Variants in AKAP7 observed in about 807,000 individuals in gnomAD.
AKAP7 encodes A kinase (PRKA) anchor protein 7.
Under a neutral mutation model 39.5 loss-of-function variants are expected in AKAP7, and 39 were observed. The observed-to-expected ratio is 0.99, with a 90% CI of 0.76 to 1.29. The LOEUF (loss-of-function observed/expected upper bound fraction) is 1.29. Ranked by LOEUF, AKAP7 falls within the 50% of genes most tolerant of loss-of-function variation. The probability of loss-of-function intolerance (pLI) is 0.00; values close to 1 mark genes in which losing one functional copy is unlikely to be tolerated. For missense variants in AKAP7, 414 were observed against 407.7 expected (o/e 1.02, Z -0.13); for synonymous variants, 140 against 139.1 (o/e 1.01, Z -0.05).
At chr6:131,227,679 A>C (rs932633735) in intron 7 of AKAP7, among the ~76,000 whole-genome samples, 7 of 152,228 alleles carry the variant, frequency 4.6e-5, no homozygotes, top group African/African-American at 1.7e-4. Context: ...ACCAGGAAAG[A>C]GTTCTAGATA....
chr6:131,219,626 A>ATGAT, intron 6 of AKAP7, 35 bp from the exon 7 acceptor site: 2 of 1,564,386 alleles, frequency 1.3e-6, no homozygotes, highest in Non-Finnish European at 1.7e-6. Flanking sequence ...CATGGGTGAA[A>ATGAT]TGATTGATTG....
chr6:131,231,213 G>A (rs1810596382), intron 7 of AKAP7, among the ~76,000 whole-genome samples: 1 of 151,864 alleles, frequency 6.6e-6, no homozygotes, highest in Non-Finnish European at 1.5e-5. Flanking sequence ...AGCATTATGT[G>A]GTAAAAATGT....
chr6:131,225,016 A>G (rs1810045472), intron 7 of AKAP7, among the ~76,000 whole-genome samples: 1 of 151,946 alleles, frequency 6.6e-6, no homozygotes, highest in Non-Finnish European at 1.5e-5. Context: ...TGTGCCTCCC[A>G]AAGTGCAGGG....
chr6:131,163,043 C>T (rs1301049962), intron 3 of AKAP7, among the ~76,000 whole-genome samples: 4 of 152,036 alleles, frequency 2.6e-5, no homozygotes, highest in African/African-American at 4.8e-5. Flanking sequence ...ATGGCAAAAG[C>T]GTGTTTCTGT....
chr6:131,247,532 GGCT>G (rs1221732181), intron 7 of AKAP7, among the ~76,000 whole-genome samples: 2 of 151,120 alleles, frequency 1.3e-5, no homozygotes, highest in Non-Finnish European at 3.0e-5. Context: ...CACTATGTTA[GGCT>G]GGTCTTGAAC....
chr6:131,250,517 T>C (rs1187398645), intron 7 of AKAP7: 11 of 1,613,218 alleles, frequency 6.8e-6, no homozygotes, highest in African/African-American at 1.3e-5. Context: ...CAATTTCTAT[T>C]TGGGGTCCTC....
chr6:131,134,086 C>T (rs1232917566), upstream of AKAP7, among the ~76,000 whole-genome samples: 2 of 152,164 alleles, frequency 1.3e-5, no homozygotes, highest in Non-Finnish European at 2.9e-5. Context: ...ATCCTCCCAC[C>T]TCAGCCTCTG....
At chr6:131,206,041 G>A (rs1158718964) in intron 6 of AKAP7, among the ~76,000 whole-genome samples, 1 of 152,120 alleles carries the variant, frequency 6.6e-6, no homozygotes, top group Non-Finnish European at 1.5e-5. Flanking sequence ...TGCAAATCTT[G>A]GTTGGTTAGA....
chr6:131,221,470 T>C (rs528598031), intron 7 of AKAP7, among the ~76,000 whole-genome samples: 1 of 152,294 alleles, frequency 6.6e-6, no homozygotes, highest in Admixed American at 6.5e-5. Flanking sequence ...GCTAAGGTCG[T>C]TGATGAAGGT....
In AKAP7 at chr6:131,135,772, C is replaced by T. The variant is rs1800478772; in HGVS notation, c.9C>T (p.Arg3=). The T allele has an allele frequency of 4.1e-6, 5 of 1,230,296 alleles. No individual in the cohort carries two copies. Among genetic ancestry groups the T allele is most frequent in the Non-Finnish European group, 5.1e-6 (5 of 988,082 alleles). 76.2% of individuals were successfully genotyped at this position (1,230,296 alleles called of 1,614,324 possible). The change falls in exon 1 of 8, where the codon CGC becomes CGT. Residue 3 remains arginine, a synonymous_variant. Coordinates refer to ENST00000431975, the MANE Select transcript of AKAP7 (RefSeq NM_016377.4). ME[R]PEAGGINSNE... ...CCGCATGCGCCGCGACCATGGAGCGCCCCGAAGCGGGTGAGACCGGGCTGT... is the reference window on the plus strand; with the variant it reads ...CCGCATGCGCCGCGACCATGGAGCGTCCCGAAGCGGGTGAGACCGGGCTGT...
chr6:131,202,695 C>T (rs955814554), intron 6 of AKAP7, among the ~76,000 whole-genome samples: 4 of 151,372 alleles, frequency 2.6e-5, no homozygotes, highest in African/African-American at 9.7e-5. Context: ...ACCAGCATGG[C>T]ACATGTATAC....
chr6:131,263,748 TAAGAG>T (rs1813553305), intron 7 of AKAP7, among the ~76,000 whole-genome samples: 1 of 152,108 alleles, frequency 6.6e-6, no homozygotes, highest in Admixed American at 6.5e-5. Flanking sequence ...GATACTTTTA[TAAGAG>T]AAGGGTGAAG....
At chr6:131,241,577 A>ATGTG (rs749601887) in intron 7 of AKAP7, among the ~76,000 whole-genome samples, 3,593 of 81,166 alleles carry the variant, frequency 0.044, 157 homozygotes, top group East Asian at 0.08. Context: ...GATTATATAT[A>ATGTG]TGTGTGTGTG....
intron 6 of AKAP7, 50 bp downstream of exon 6, chr6:131,199,623 A>G (rs768733819): frequency 7.2e-7 from 1 of 1,379,556 alleles, no homozygotes; most frequent in Non-Finnish European, 1.0e-6. Flanking sequence ...CACACCAGCC[A>G]TAAGCATGGT....
At chr6:131,149,698 A>G (rs1436653318) in intron 2 of AKAP7, among the ~76,000 whole-genome samples, 2 of 152,196 alleles carry the variant, frequency 1.3e-5, no homozygotes, top group South Asian at 2.1e-4. Flanking sequence ...CTTTGGCTCC[A>G]TAGGGTGGAC....
At chr6:131,168,173 A>G (rs1047127762) in intron 4 of AKAP7, among the ~76,000 whole-genome samples, 4 of 152,166 alleles carry the variant, frequency 2.6e-5, no homozygotes, top group African/African-American at 9.7e-5. Flanking sequence ...GCAATTTGGG[A>G]GGCCAAGGCA....
chr6:131,205,201 T>A (rs74297867), intron 6 of AKAP7, among the ~76,000 whole-genome samples: 5 of 152,180 alleles, frequency 3.3e-5, no homozygotes, highest in Non-Finnish European at 7.3e-5. Context: ...GATTTTTTTT[T>A]AATCATCTAG....
chr6:131,135,513 T>TGCCGCCGCCGCTGCTGCCGCTGCC lies in AKAP7; in HGVS notation c.-249_-248insCGCCGCCGCTGCTGCCGCTGCCGC, dbSNP rs1562852466. On this transcript the variant is annotated 5_prime_UTR_variant, in exon 1 of 8. Transcript: ENST00000431975. ...CCTGGCATGCGGGTGCTGCGGCTGC[T>TGCCGCCGCCGCTGCTGCCGCTGCC]GCGGCTGCCGCCGCCGCTGCTGCCG... Among the ~76,000 whole-genome samples, 13 of 148,690 alleles carry TGCCGCCGCCGCTGCTGCCGCTGCC rather than the reference T, an allele frequency of 8.7e-5. No individual in the cohort carries two copies. Among genetic ancestry groups the TGCCGCCGCCGCTGCTGCCGCTGCC allele is most frequent in the East Asian group, 5.9e-4 (3 of 5,062 alleles).
Position 131,282,087 on chromosome 6 carries a change from A to G in AKAP7, c.*361A>G. 3.5e-6 allele frequency: 4 copies of G among 1,143,212 alleles called. No individual in the cohort carries two copies. Among genetic ancestry groups the G allele is most frequent in the Non-Finnish European group, 3.2e-6 (3 of 932,374 alleles). 70.8% of individuals were successfully genotyped at this position (1,143,212 alleles called of 1,614,324 possible). ...TGCCATTTATATTGCTTAGCAGGGCATTTGACTACTTTATCTGAGGCCAGA... is the reference window on the plus strand; with the variant it reads ...TGCCATTTATATTGCTTAGCAGGGCGTTTGACTACTTTATCTGAGGCCAGA... On this transcript the variant is annotated 3_prime_UTR_variant, in exon 8 of 8. Coordinates refer to ENST00000431975, the MANE Select transcript of AKAP7 (RefSeq NM_016377.4).
Sources: gnomAD v4.1 joint callset for allele counts (sites outside exome capture counted in the v4.1 genomes callset) on GRCh38, gnomAD v4.1.1 for gene constraint, MANE v1.5 for transcripts, NCBI Gene and HGNC (gene_info 2026-07-23, HGNC 2026-07-21) for gene names.